Variants in PLCE1 observed in about 807,000 individuals in gnomAD.
PLCE1 encodes the protein phospholipase C epsilon 1.
In PLCE1, 119 loss-of-function variants were observed where a neutral mutation model predicts 242.8. That is an observed-to-expected ratio of 0.49 (90% confidence interval 0.42 to 0.57). The LOEUF (loss-of-function observed/expected upper bound fraction) is 0.57. Among genes scored for constraint, PLCE1 ranks in the 20% least tolerant of loss-of-function variants. PLCE1 has a pLI of 0.00. For missense variants in PLCE1, 2,441 were observed against 2,788.8 expected (o/e 0.88, Z 2.81); for synonymous variants, 945 against 1,017.4 (o/e 0.93, Z 1.35).
chr10:94,145,348 G>A (rs2047081178), intron 3 of PLCE1, among the ~76,000 whole-genome samples: 1 of 152,128 alleles, frequency 6.6e-6, no homozygotes, highest in African/African-American at 2.4e-5. Context: ...AGACTACAAA[G>A]GGGAATTAAA....
chr10:94,178,029 G>C (rs1374864872), intron 4 of PLCE1, among the ~76,000 whole-genome samples: 1 of 152,108 alleles, frequency 6.6e-6, no homozygotes, highest in African/African-American at 2.4e-5. Context: ...TTGTTGTGTT[G>C]TTCACCAATG....
chr10:94,326,011 C>CTA (rs1175415092), intron 32 of PLCE1, among the ~76,000 whole-genome samples: 1 of 152,152 alleles, frequency 6.6e-6, no homozygotes, highest in African/African-American at 2.4e-5. Flanking sequence ...AAATTTCATT[C>CTA]TATCTTAAAG....
intron 29 of PLCE1, among the ~76,000 whole-genome samples, chr10:94,318,339 T>A (rs1432907712): frequency 1.3e-5 from 2 of 152,232 alleles, no homozygotes; most frequent in African/African-American, 4.8e-5. Context: ...TTGTCTTGCC[T>A]TATTAATTAG....
At chr10:94,047,045 CA>C (rs1222918796) in intron 2 of PLCE1, among the ~76,000 whole-genome samples, 13 of 151,868 alleles carry the variant, frequency 8.6e-5, no homozygotes, top group Non-Finnish European at 2.9e-5. Flanking sequence ...AATAAAAAGC[CA>C]AATTTAGCAG....
chr10:94,044,307 C>T (rs1343667370), intron 2 of PLCE1, among the ~76,000 whole-genome samples: 1 of 152,158 alleles, frequency 6.6e-6, no homozygotes, highest in Non-Finnish European at 1.5e-5. Context: ...TCCATTTATG[C>T]TGCCATTATG....
At chr10:94,233,291 A>C (rs2050204560) in intron 5 of PLCE1, among the ~76,000 whole-genome samples, 1 of 152,248 alleles carries the variant, frequency 6.6e-6, no homozygotes, top group Admixed American at 6.5e-5. Flanking sequence ...TTGATTCAGT[A>C]AAAATCAATT....
intron 1 of PLCE1, among the ~76,000 whole-genome samples, chr10:93,999,397 G>T (rs760687154): frequency 2.6e-4 from 39 of 152,252 alleles, no homozygotes; most frequent in Middle Eastern, 6.8e-3. Context: ...TCCGGGATGT[G>T]AGTCCAAGCA....
Position 94,298,975 on chromosome 10 carries a change from C to A in PLCE1, c.5458+306C>A, listed in dbSNP as rs1009703311. On this transcript the variant is annotated intron_variant, in intron 24 of 32. Coordinates refer to ENST00000371380, the MANE Select transcript of PLCE1 (RefSeq NM_016341.4). The surrounding 1 kb of genome is among the most constrained non-coding windows in gnomAD (Gnocchi z 5.2). ...CCATGCCCGGTTTATGTTTAAAGCT[C>A]TTTTTGGAGCAGGGATTTCCTAACA... is the stretch of plus-strand genomic sequence containing the variant. 6.6e-6 allele frequency among the ~76,000 whole-genome samples: 1 copy of A among 152,088 alleles called. No homozygotes were observed. Among genetic ancestry groups the A allele is most frequent in the Non-Finnish European group, 1.5e-5 (1 of 68,016 alleles).
At chr10:94,311,446 T>C (rs1268733623) in intron 27 of PLCE1, among the ~76,000 whole-genome samples, 1 of 152,210 alleles carries the variant, frequency 6.6e-6, no homozygotes, top group Non-Finnish European at 1.5e-5. Context: ...AAATATGTAT[T>C]TTTTGTTATA....
intron 1 of PLCE1, among the ~76,000 whole-genome samples, chr10:94,010,598 T>G (rs2061151045): frequency 6.6e-6 from 1 of 152,226 alleles, no homozygotes; most frequent in Non-Finnish European, 1.5e-5. Context: ...AAGTCATTCC[T>G]TAGACTGATC....
chr10:94,011,361 A>C (rs2061162997), intron 1 of PLCE1, among the ~76,000 whole-genome samples: 1 of 152,146 alleles, frequency 6.6e-6, no homozygotes. Context: ...TTCATGAGGA[A>C]TACACTCCAT....
rs1427507455 is a variant in PLCE1, at chr10:94,179,523, T to TGTTTTG, written c.1809+8027_1809+8028insGTTTTG. ...TTTATTTTAGTTTAGTTTTTTTTTT[T>TGTTTTG]TTTTTTTGACAGGGTCTCTGTTGCC... On this transcript the variant is annotated intron_variant, in intron 4 of 32. Transcript: ENST00000371380. Among the ~76,000 whole-genome samples, 29 of 40,936 alleles carry TGTTTTG rather than the reference T, an allele frequency of 7.1e-4. 2 individuals are homozygous for TGTTTTG. The highest frequency in any genetic ancestry group is 1.2e-3 in the Non-Finnish European group (22 of 18,218). The allele number at this position is 40,936 out of a possible 152,430, so 26.9% of individuals were successfully genotyped here. A position where few individuals can be genotyped will look rare whatever the true frequency, so the allele number is the denominator to read the frequency against.
chr10:94,037,306 G>C (rs556013279), intron 2 of PLCE1, among the ~76,000 whole-genome samples: 2 of 152,228 alleles, frequency 1.3e-5, no homozygotes, highest in South Asian at 4.2e-4. Context: ...TGTGCAAAGG[G>C]ACCAACCGCT....
intron 2 of PLCE1, among the ~76,000 whole-genome samples, chr10:94,093,431 G>A (rs1302633949): frequency 6.6e-6 from 1 of 152,046 alleles, no homozygotes; most frequent in African/African-American, 2.4e-5. Flanking sequence ...AGTAGCAAAA[G>A]CACAAAGAAA....
chr10:94,087,877 C>T (rs932931461), intron 2 of PLCE1, among the ~76,000 whole-genome samples: 1 of 152,232 alleles, frequency 6.6e-6, no homozygotes, highest in Non-Finnish European at 1.5e-5. Flanking sequence ...GGAGGTGCCA[C>T]CTTCCTTGCA....
rs534230873 is a variant in PLCE1, at chr10:94,031,985, C to T, written c.939C>T (p.Asp313=). The T allele has an allele frequency of 1.2e-5, 19 of 1,613,652 alleles. No homozygotes were observed. The East Asian group carries it at 1.6e-4, about 13-fold the overall frequency. ...FPDNCDDVEE[D]AFKSKKERST... ...ATAATTGTGATGATGTAGAAGAAGA[C>T]GCTTTTAAAAGCAAAAAGGAGCGAT... Residue 313 remains aspartate, a synonymous_variant, in exon 2 of 33, where the codon GAC becomes GAT. Transcript: ENST00000371380.
intron 4 of PLCE1, among the ~76,000 whole-genome samples, chr10:94,219,611 G>A (rs2137052493): frequency 6.6e-6 from 1 of 152,276 alleles, no homozygotes; most frequent in South Asian, 2.1e-4. Flanking sequence ...TTGCAGGAAG[G>A]AGTATGGTCA....
chr10:94,161,770 C>G (rs1376328571), intron 3 of PLCE1, among the ~76,000 whole-genome samples: 2 of 152,114 alleles, frequency 1.3e-5, no homozygotes, highest in South Asian at 2.1e-4. Context: ...TTTGCCCATT[C>G]AGTATGATAT....
intron 18 of PLCE1, among the ~76,000 whole-genome samples, chr10:94,272,629 C>T (rs764431784): frequency 5.3e-5 from 8 of 152,138 alleles, no homozygotes; most frequent in Non-Finnish European, 1.2e-4. Context: ...GAACGATAAA[C>T]GTCCGTGAAA....
Sources: gnomAD v4.1 joint callset for allele counts (sites outside exome capture counted in the v4.1 genomes callset) on GRCh38, gnomAD v4.1.1 for gene constraint, Gnocchi (gnomAD v3.1) non-coding constraint, MANE v1.5 for transcripts, NCBI Gene and HGNC (gene_info 2026-07-23, HGNC 2026-07-21) for gene names.